The following CHST15 variants were observed in gnomAD, a reference collection of about 807,000 sequenced individuals.
CHST15 encodes B cell RAG associated protein (GALNAC4S-6ST).
A neutral mutation model predicts 53.6 loss-of-function variants in CHST15; 30 were observed. The ratio of observed to expected loss-of-function variants is 0.56; its 90% confidence interval spans 0.42 to 0.76. CHST15 has a LOEUF of 0.76. Among genes scored for constraint, CHST15 ranks in the 30% least tolerant of loss-of-function variants. The pLI is 0.00. For missense variants in CHST15, 627 were observed against 740.5 expected (o/e 0.85, Z 1.78); for synonymous variants, 296 against 289.8 (o/e 1.02, Z -0.22).
In CHST15 at chr10:124,059,820, T is replaced by C. The variant is rs1443255312; in HGVS notation, c.-512-13096A>G. On this transcript the variant is annotated intron_variant, in intron 1 of 7. Transcript: ENST00000435907. The stretch of plus-strand genomic sequence containing the variant: ...TCCAAAGATGAGCAAAATAAGAATC[T>C]GGTTAACCCTTCAATGAGAAGAACG... Among the ~76,000 whole-genome samples the C allele has an allele frequency of 5.9e-5, 9 of 152,282 alleles. No individual in the cohort carries two copies. In the South Asian group the frequency reaches 1.7e-3, roughly 28 times the overall value.
intron 6 of CHST15, among the ~76,000 whole-genome samples, chr10:124,012,695 C>T (rs7893602): frequency 6.6e-6 from 1 of 152,040 alleles, no homozygotes; most frequent in Non-Finnish European, 1.5e-5. Context: ...GGTTGCATTT[C>T]ATCCTCACAA....
rs778681453 is a variant in CHST15 at position 124,010,152 on chromosome 10, C to T, written c.1683G>A (p.Thr561=). The change falls in exon 8 of 8, where the codon ACG becomes ACA. Residue 561 remains threonine (T), a synonymous_variant. Coordinates refer to ENST00000435907, the MANE Select transcript of CHST15 (RefSeq NM_001270764.2). ...LADEAFAWKT[T] Reference sequence around the variant, plus strand: ...ACGTGCAGCAACAATTCAGCTCTCACGTCGTCTTCCACGCAAACGCCTCAT... The same window carrying T: ...ACGTGCAGCAACAATTCAGCTCTCATGTCGTCTTCCACGCAAACGCCTCAT... 11 of 1,612,524 alleles carry T rather than the reference C, an allele frequency of 6.8e-6. No homozygotes were observed. Among genetic ancestry groups the T allele is most frequent in the Middle Eastern group, 2.1e-4 (1 of 4,824 alleles).
chr10:124,075,878 T>C (rs754868190), intron 1 of CHST15, among the ~76,000 whole-genome samples: 23 of 152,298 alleles, frequency 1.5e-4, no homozygotes, highest in Non-Finnish European at 2.4e-4. Context: ...CAGGGAGAGA[T>C]GCTTCCTGGG....
intron 5 of CHST15, among the ~76,000 whole-genome samples, chr10:124,031,486 C>T (rs1947222254): frequency 6.6e-6 from 1 of 152,176 alleles, no homozygotes; most frequent in Non-Finnish European, 1.5e-5. Flanking sequence ...CGCAGGAATC[C>T]TGTGAGCAGT....
chr10:124,008,556 C>T lies in CHST15; in HGVS notation c.*1593G>A. 2 of 993,188 alleles carry T rather than the reference C, an allele frequency of 2.0e-6. No individual in the cohort carries two copies. Among genetic ancestry groups the T allele is most frequent in the Non-Finnish European group, 2.4e-6 (2 of 834,214 alleles). The allele number at this position is 993,188 out of a possible 1,614,324, so 61.5% of individuals were successfully genotyped here. A position where few individuals can be genotyped will look rare whatever the true frequency, so the allele number is the denominator to read the frequency against. Reference sequence around the variant, plus strand: ...AAAAACAGCCCTGGCCATCCTGGCGCTCAGAGCCCTCTGCACACCTTCGAA... The same window carrying T: ...AAAAACAGCCCTGGCCATCCTGGCGTTCAGAGCCCTCTGCACACCTTCGAA... On this transcript the variant is annotated 3_prime_UTR_variant, in exon 8 of 8. Coordinates refer to ENST00000435907, the MANE Select transcript of CHST15 (RefSeq NM_001270764.2).
Position 124,008,189 on chromosome 10 carries a change from A to G in CHST15, c.*1960T>C. On this transcript the variant is annotated 3_prime_UTR_variant, in exon 8 of 8. Transcript: ENST00000435907. The stretch of plus-strand genomic sequence containing the variant: ...TGCATAAGAAAAATCCCTTGTTGTA[A>G]TTATGGTTGGTGTGGAATAGTAAAA... The G allele has an allele frequency of 8.1e-7, 1 of 1,229,298 alleles. No homozygotes were observed. Among genetic ancestry groups the G allele is most frequent in the Non-Finnish European group, 1.0e-6 (1 of 986,654 alleles). 76.1% of individuals were successfully genotyped at this position (1,229,298 alleles called of 1,614,324 possible).
At chr10:124,081,657 A>G (rs1029906440) in intron 1 of CHST15, among the ~76,000 whole-genome samples, 9 of 152,236 alleles carry the variant, frequency 5.9e-5, no homozygotes. Flanking sequence ...CTCCAGCCAC[A>G]AAACACTTTT....
intron 5 of CHST15, 74 bp from the exon 6 acceptor site, chr10:124,021,486 C>T: frequency 6.5e-7 from 1 of 1,550,030 alleles, no homozygotes; most frequent in South Asian, 1.2e-5. Flanking sequence ...CAATGAAAAT[C>T]AGTGTACAAT....
intron 5 of CHST15, among the ~76,000 whole-genome samples, chr10:124,038,285 T>C (rs1232711869): frequency 6.6e-6 from 1 of 152,058 alleles, no homozygotes; most frequent in Non-Finnish European, 1.5e-5. Context: ...TTTGTATTTT[T>C]AGTAGAGATG....
intron 1 of CHST15, among the ~76,000 whole-genome samples, chr10:124,086,747 C>T (rs760912261): frequency 6.6e-6 from 1 of 152,146 alleles, no homozygotes; most frequent in Non-Finnish European, 1.5e-5. Flanking sequence ...GGGAGCTCCC[C>T]TGAACCCTGA....
intron 6 of CHST15, 29 bp from the exon 7 acceptor site, chr10:124,012,509 C>A: frequency 6.3e-7 from 1 of 1,596,770 alleles, no homozygotes; most frequent in Non-Finnish European, 8.6e-7. Flanking sequence ...GGCATTATTT[C>A]AGGAGCAGTT....
chr10:124,048,764 G>T (rs1007923625), intron 1 of CHST15, among the ~76,000 whole-genome samples: 4 of 152,180 alleles, frequency 2.6e-5, no homozygotes, highest in Non-Finnish European at 5.9e-5. Context: ...GCAGAAAATC[G>T]AATTAGATTC....
intron 1 of CHST15, among the ~76,000 whole-genome samples, chr10:124,087,436 T>C (rs1490803742): frequency 6.6e-6 from 1 of 152,204 alleles, no homozygotes; most frequent in Non-Finnish European, 1.5e-5. Flanking sequence ...TCCAGCCTAT[T>C]GTCAGAAAAA....
intron 1 of CHST15, among the ~76,000 whole-genome samples, chr10:124,047,320 G>T (rs1055277495): frequency 5.3e-5 from 8 of 152,174 alleles, no homozygotes; most frequent in African/African-American, 1.9e-4. Context: ...TCCTTCAGTA[G>T]AATGTATCAT....
chr10:124,052,220 T>A (rs1948224249), intron 1 of CHST15, among the ~76,000 whole-genome samples: 1 of 152,146 alleles, frequency 6.6e-6, no homozygotes, highest in African/African-American at 2.4e-5. Context: ...CATCAACAAG[T>A]AGGAGAAGGA....
chr10:124,032,374 CG>C (rs969622254), intron 5 of CHST15, among the ~76,000 whole-genome samples: 1 of 152,080 alleles, frequency 6.6e-6, no homozygotes, highest in African/African-American at 2.4e-5. Context: ...AACATAGACA[CG>C]GTAAAATCCT....
At chr10:124,020,149 T>G in intron 6 of CHST15, 1 of 985,430 alleles carries the variant, frequency 1.0e-6, no homozygotes, top group Non-Finnish European at 1.2e-6. Context: ...GCAGGGGACA[T>G]AGTGGCAAGA....
At chr10:124,049,892 G>C (rs1363189243) in intron 1 of CHST15, among the ~76,000 whole-genome samples, 1 of 152,150 alleles carries the variant, frequency 6.6e-6, no homozygotes, top group Non-Finnish European at 1.5e-5. Context: ...AAGTGGGGCA[G>C]TCTGGTGAGA....
At chr10:124,048,772 T>A (rs1222025532) in intron 1 of CHST15, among the ~76,000 whole-genome samples, 2 of 152,182 alleles carry the variant, frequency 1.3e-5, no homozygotes, top group Non-Finnish European at 2.9e-5. Context: ...TCGAATTAGA[T>A]TCTTTAAAAA....
Sources: allele counts gnomAD v4.1 joint callset (sites outside exome capture counted in the v4.1 genomes callset), GRCh38; gene constraint gnomAD v4.1.1; transcripts MANE v1.5; gene names NCBI Gene and HGNC (gene_info 2026-07-23, HGNC 2026-07-21).